Variants in MBD2 observed in about 807,000 individuals in gnomAD.
MBD2 encodes the protein methyl-CpG-binding domain protein 2.
MBD2 carries 9 observed loss-of-function variants against 39.3 expected under a neutral mutation model. The observed-to-expected ratio is 0.23, with a 90% CI of 0.14 to 0.40. The LOEUF (loss-of-function observed/expected upper bound fraction) is 0.40, where lower values mean the gene tolerates loss of function less well. MBD2 is among the 10% of genes least tolerant of loss of function. The pLI, the probability that MBD2 is intolerant of heterozygous loss-of-function variation, is 1.00. For synonymous variants in MBD2, 233 were observed against 211.1 expected, an observed-to-expected ratio of 1.10 and a Z score of -0.90; for missense variants, 458 against 532.6, an observed-to-expected ratio of 0.86 and a Z score of 1.38.
chr18:54,215,195 G>C (rs937760715), intron 1 of MBD2, among the ~76,000 whole-genome samples: 1 of 152,162 alleles, frequency 6.6e-6, no homozygotes, highest in Admixed American at 6.5e-5. Context: ...GACAACCAAA[G>C]TGTGGTCTGT....
chr18:54,174,693 C>T (rs190331588), intron 3 of MBD2, among the ~76,000 whole-genome samples: 288 of 152,270 alleles, frequency 1.9e-3, no homozygotes, highest in Admixed American at 2.2e-3. Flanking sequence ...TTTTATGGGT[C>T]GGTCTGGGAC....
chr18:54,218,696 CT>C (rs1162992899), intron 1 of MBD2, among the ~76,000 whole-genome samples: 4 of 152,194 alleles, frequency 2.6e-5, no homozygotes, highest in African/African-American at 7.2e-5. Context: ...GGCGCGGTGG[CT>C]CACGCCTGTA....
chr18:54,207,222 C>G (rs2086457626), intron 1 of MBD2, among the ~76,000 whole-genome samples: 1 of 152,150 alleles, frequency 6.6e-6, no homozygotes, highest in African/African-American at 2.4e-5. Context: ...CCAAAATATG[C>G]CATATACCTT....
chr18:54,160,105 G>C (rs2086084874), intron 5 of MBD2: 1 of 542,530 alleles, frequency 1.8e-6, no homozygotes, highest in Non-Finnish European at 3.3e-6. Flanking sequence ...TGTTCACAGA[G>C]GCAGTTATCC....
chr18:54,218,336 G>A (rs1236464411), intron 1 of MBD2, among the ~76,000 whole-genome samples: 1 of 152,006 alleles, frequency 6.6e-6, no homozygotes, highest in African/African-American at 2.4e-5. Flanking sequence ...TTATCCTTTG[G>A]TACAATAGCT....
intron 5 of MBD2, chr18:54,160,162 C>T: frequency 2.7e-6 from 1 of 370,568 alleles, no homozygotes; most frequent in Non-Finnish European, 5.0e-6. Context: ...CGTCAGTGAC[C>T]TTTTCTTCAA....
chr18:54,196,025 A>G (rs1253872573), intron 2 of MBD2, among the ~76,000 whole-genome samples: 1 of 152,212 alleles, frequency 6.6e-6, no homozygotes, highest in African/African-American at 2.4e-5. Flanking sequence ...CCAACAATGG[A>G]AAGTGCCTTA....
At chr18:54,223,997 T>G in intron 1 of MBD2, 21 bp downstream of exon 1, 25 of 416,130 alleles carry the variant, frequency 6.0e-5, no homozygotes, top group East Asian at 2.6e-4. Flanking sequence ...CGCCACCCCC[T>G]CCCCGCCCCC....
chr18:54,216,772 A>C (rs2086565130), intron 1 of MBD2, among the ~76,000 whole-genome samples: 1 of 152,170 alleles, frequency 6.6e-6, no homozygotes, highest in Admixed American at 6.5e-5. Context: ...AAAAATCTTC[A>C]AAAGGGGATG....
At chr18:54,156,975 G>A (rs944074286) in intron 6 of MBD2, among the ~76,000 whole-genome samples, 6 of 152,146 alleles carry the variant, frequency 3.9e-5, no homozygotes, top group African/African-American at 1.4e-4. Context: ...CCTGACAGAA[G>A]AGAAGGGCTT....
chr18:54,160,012 A>G, intron 5 of MBD2, 109 bp from the exon 6 acceptor site: 1 of 1,253,630 alleles, frequency 8.0e-7, no homozygotes, highest in Non-Finnish European at 1.1e-6. Context: ...CCTAAGAAGA[A>G]TAGACTTCCT....
chr18:54,156,412 T>G (rs1278463443), intron 6 of MBD2, among the ~76,000 whole-genome samples: 1 of 152,168 alleles, frequency 6.6e-6, no homozygotes, highest in African/African-American at 2.4e-5. Flanking sequence ...TCAACATTAG[T>G]TTGTTATTAC....
At chr18:54,170,645 T>C (rs77943117) in intron 3 of MBD2, among the ~76,000 whole-genome samples, 5,969 of 152,292 alleles carry the variant, frequency 0.039, 145 homozygotes, top group Non-Finnish European at 0.046. Context: ...TGATATGCAA[T>C]GTGTTTTTCT....
rs1568079974 is a variant in MBD2, at chr18:54,168,621, G to GCATA, written c.841-2456_841-2455insTATG. Among the ~76,000 whole-genome samples the GCATA allele has an allele frequency of 3.7e-4, 15 of 41,034 alleles. No individual in the cohort carries two copies. In the African/African-American group the frequency reaches 4.4e-3, roughly 12 times the overall value. 26.9% of individuals were successfully genotyped at this position (41,034 alleles called of 152,430 possible). A position where few individuals can be genotyped will look rare whatever the true frequency, so the allele number is the denominator to read the frequency against. On this transcript the variant is annotated intron_variant, in intron 3 of 6. Coordinates refer to ENST00000256429, the MANE Select transcript of MBD2 (RefSeq NM_003927.5). ...TATTTATGTATGCATATTTGTGTGT[G>GCATA]TGTGTGTGTGTGTGTGTGTGTGTGT...
At chr18:54,176,883 G>T (rs1356996475) in intron 3 of MBD2, among the ~76,000 whole-genome samples, 1 of 152,210 alleles carries the variant, frequency 6.6e-6, no homozygotes, top group African/African-American at 2.4e-5. Context: ...TAAGGCAAAA[G>T]ATAATTTGGG....
chr18:54,199,042 A>G (rs192215870), intron 2 of MBD2, among the ~76,000 whole-genome samples: 1 of 152,326 alleles, frequency 6.6e-6, no homozygotes, highest in East Asian at 1.9e-4. Context: ...AGTTTCCTCT[A>G]AAGAGGATTG....
At chr18:54,204,835 A>C (rs372273666) in intron 2 of MBD2, among the ~76,000 whole-genome samples, 163 bp downstream of exon 2, 1 of 152,194 alleles carries the variant, frequency 6.6e-6, no homozygotes, top group African/African-American at 2.4e-5. Context: ...TCTACTGTGC[A>C]CAATTTACTT....
In MBD2 at chr18:54,171,035, T is replaced by A. The variant is rs554230634; in HGVS notation, c.841-4869A>T. On this transcript the variant is annotated intron_variant, in intron 3 of 6. Coordinates refer to ENST00000256429, the MANE Select transcript of MBD2 (RefSeq NM_003927.5). ...GGGATTAGAAAGCTAGTTTTATTTT[T>A]TTTTTTACAAATACTTAAGGTGATT... 1.4e-3 allele frequency among the ~76,000 whole-genome samples: 210 copies of A among 152,308 alleles called. 1 individual carries two copies. The highest frequency in any genetic ancestry group is 2.7e-3 in the Non-Finnish European group (183 of 68,036).
intron 1 of MBD2, among the ~76,000 whole-genome samples, chr18:54,208,783 C>G (rs565454285): frequency 1.8e-4 from 27 of 152,250 alleles, no homozygotes; most frequent in African/African-American, 4.8e-4. Flanking sequence ...TCCACTGCAG[C>G]TGAAAACATA....
Sources: gnomAD v4.1 joint callset for allele counts (sites outside exome capture counted in the v4.1 genomes callset) on GRCh38, gnomAD v4.1.1 for gene constraint, MANE v1.5 for transcripts, NCBI Gene and HGNC (gene_info 2026-07-23, HGNC 2026-07-21) for gene names.